The following DMRT1 variants were observed in gnomAD, a reference collection of about 807,000 sequenced individuals.
The protein encoded by DMRT1 is doublesex and mab-3 related transcription factor 1.
In DMRT1, 7 loss-of-function variants were observed where a neutral mutation model predicts 32.3. The observed-to-expected ratio is 0.22, with a 90% CI of 0.12 to 0.41. The LOEUF (loss-of-function observed/expected upper bound fraction) is 0.41. DMRT1 is among the 10% of genes least tolerant of loss of function. The probability of loss-of-function intolerance (pLI) is 1.00; values close to 1 mark genes in which losing one functional copy is unlikely to be tolerated. For missense variants in DMRT1, 625 were observed against 500.5 expected, an observed-to-expected ratio of 1.25 and a Z score of -2.37; for synonymous variants, 278 against 206.1, an observed-to-expected ratio of 1.35 and a Z score of -2.99.
chr9:908,606 C>T (rs1033831), intron 3 of DMRT1, among the ~76,000 whole-genome samples: 117,013 of 151,744 alleles, frequency 0.77, 45,381 homozygotes, highest in East Asian at 0.91. Context: ...TTATGGTTCA[C>T]CTTAGGGCTG....
chr9:945,890 T>C (rs1026120018), intron 4 of DMRT1, among the ~76,000 whole-genome samples: 1 of 152,164 alleles, frequency 6.6e-6, no homozygotes, highest in Admixed American at 6.5e-5. Context: ...TACATGCAGA[T>C]ATGTGTTTCT....
At chr9:931,238 G>A (rs1044549919) in intron 4 of DMRT1, among the ~76,000 whole-genome samples, 1 of 152,180 alleles carries the variant, frequency 6.6e-6, no homozygotes, top group Non-Finnish European at 1.5e-5. Context: ...ATATGGAGGG[G>A]CTTGGTTTAT....
chr9:845,702 T>G (rs1015587010), intron 1 of DMRT1, among the ~76,000 whole-genome samples: 1 of 152,024 alleles, frequency 6.6e-6, no homozygotes, highest in South Asian at 2.1e-4. Context: ...CCAGCCCCTT[T>G]CCCCACTGCT....
At chr9:892,951 C>G (rs987012870) in intron 2 of DMRT1, among the ~76,000 whole-genome samples, 1 of 152,122 alleles carries the variant, frequency 6.6e-6, no homozygotes, top group Non-Finnish European at 1.5e-5. Flanking sequence ...TCACCTGTGT[C>G]CTGCATCTTT....
chr9:870,627 C>A (rs1275958984), intron 2 of DMRT1, among the ~76,000 whole-genome samples: 1 of 150,936 alleles, frequency 6.6e-6, no homozygotes. Flanking sequence ...CTGTTGGGTC[C>A]AAGAAAGAAC....
chr9:903,648 G>T (rs2129690567), intron 3 of DMRT1, among the ~76,000 whole-genome samples: 2 of 152,282 alleles, frequency 1.3e-5, no homozygotes, highest in East Asian at 3.9e-4. Flanking sequence ...GTGAGAGGTT[G>T]GGTTTAGGAA....
intron 4 of DMRT1, among the ~76,000 whole-genome samples, chr9:932,732 C>T (rs929754146): frequency 1.3e-5 from 2 of 152,084 alleles, no homozygotes; most frequent in African/African-American, 4.8e-5. Flanking sequence ...CAGCTGGCTA[C>T]AAATTAGGGG....
At chr9:843,820 A>C (rs896657377) in intron 1 of DMRT1, among the ~76,000 whole-genome samples, 2 of 152,232 alleles carry the variant, frequency 1.3e-5, no homozygotes, top group African/African-American at 2.4e-5. Context: ...AGATTTTTAC[A>C]AATGTGTTTT....
At chr9:850,911 C>G (rs574662442) in intron 2 of DMRT1, among the ~76,000 whole-genome samples, 1 of 152,004 alleles carries the variant, frequency 6.6e-6, no homozygotes, top group East Asian at 1.9e-4. Context: ...CGCCTGTAAT[C>G]CCAGCTACTC....
At chr9:962,313 G>A (rs1819799789) in intron 4 of DMRT1, among the ~76,000 whole-genome samples, 1 of 152,158 alleles carries the variant, frequency 6.6e-6, no homozygotes, top group Admixed American at 6.5e-5. Context: ...CAAGGGAGCA[G>A]TCTGGAGCAT....
At position 841,746 on chromosome 9, in the gene DMRT1, C is replaced by G; in HGVS notation, c.-93C>G. 6.5e-7 allele frequency: 1 copy of G among 1,547,874 alleles called. No homozygotes were observed. Among genetic ancestry groups the G allele is most frequent in the Non-Finnish European group, 8.7e-7 (1 of 1,147,084 alleles). ...GCGCACACGTCTCCTGCGCCTCCTC[C>G]TCCGGAGCGTCGCTGTCCGTCGGGT... On this transcript the variant is annotated 5_prime_UTR_variant, in exon 1 of 5. Coordinates refer to ENST00000382276, the MANE Select transcript of DMRT1 (RefSeq NM_021951.3).
chr9:942,384 C>T (rs1819105220), intron 4 of DMRT1, among the ~76,000 whole-genome samples: 1 of 152,166 alleles, frequency 6.6e-6, no homozygotes, highest in African/African-American at 2.4e-5. Flanking sequence ...GTTCATCCTC[C>T]TGCCTCAGCC....
intron 4 of DMRT1, among the ~76,000 whole-genome samples, chr9:923,938 C>G (rs11792914): frequency 6.6e-6 from 1 of 152,046 alleles, no homozygotes; most frequent in Admixed American, 6.6e-5. Context: ...TCAGCTTTAA[C>G]TTGGAACAGA....
intron 1 of DMRT1, among the ~76,000 whole-genome samples, chr9:846,192 G>C (rs1838896897): frequency 6.6e-6 from 1 of 151,854 alleles, no homozygotes; most frequent in African/African-American, 2.4e-5. Flanking sequence ...AACATGCCTG[G>C]CTAATTTTTG....
At chr9:904,440 G>T (rs540398447) in intron 3 of DMRT1, among the ~76,000 whole-genome samples, 64 of 152,250 alleles carry the variant, frequency 4.2e-4, no homozygotes, top group African/African-American at 1.4e-3. Flanking sequence ...TGCATAACAG[G>T]TTTGCCCTGT....
intron 4 of DMRT1, among the ~76,000 whole-genome samples, chr9:959,640 G>T (rs1217448729): frequency 6.6e-6 from 1 of 152,140 alleles, no homozygotes; most frequent in Non-Finnish European, 1.5e-5. Context: ...CGATTCTCCT[G>T]CCTCAGCCTC....
intron 2 of DMRT1, among the ~76,000 whole-genome samples, chr9:857,043 G>A (rs145726492): frequency 0.038 from 5,758 of 152,240 alleles, 329 homozygotes; most frequent in African/African-American, 0.13. Context: ...GGCTGGGTGT[G>A]GTGGCTCACA....
intron 4 of DMRT1, among the ~76,000 whole-genome samples, chr9:936,776 C>T (rs1474524520): frequency 6.7e-6 from 1 of 148,618 alleles, no homozygotes; most frequent in Non-Finnish European, 1.5e-5. Context: ...AAAAAGTCTT[C>T]TTCAAGGAAG....
intron 4 of DMRT1, among the ~76,000 whole-genome samples, chr9:934,070 G>A (rs934910434): frequency 1.6e-4 from 24 of 152,074 alleles, no homozygotes; most frequent in African/African-American, 5.6e-4. Context: ...CTAGAACTTG[G>A]TTGATCTCAG....
Sources: allele counts gnomAD v4.1 joint callset (sites outside exome capture counted in the v4.1 genomes callset), GRCh38; gene constraint gnomAD v4.1.1; transcripts MANE v1.5; gene names NCBI Gene and HGNC (gene_info 2026-07-23, HGNC 2026-07-21).